NDST4: variants seen among roughly 807,000 people sequenced by gnomAD.
The protein encoded by NDST4 is N-heparan sulfate sulfotransferase 4.
Under a neutral mutation model 100.8 loss-of-function variants are expected in NDST4, and 63 were observed. That is an observed-to-expected ratio of 0.62 (90% CI 0.51 to 0.77). The LOEUF is 0.77. NDST4 is among the 30% of genes least tolerant of loss of function. NDST4 has a pLI of 0.00. For missense variants in NDST4, 943 were observed against 1,018.4 expected (o/e 0.93, Z 1.01); for synonymous variants, 377 against 361.8 (o/e 1.04, Z -0.48).
intron 1 of NDST4, among the ~76,000 whole-genome samples, chr4:115,079,425 T>G (rs1234725872): frequency 6.6e-6 from 1 of 152,068 alleles, no homozygotes; most frequent in Non-Finnish European, 1.5e-5. Context: ...TTTCCATTAT[T>G]ATTAGATGTT....
intron 2 of NDST4, among the ~76,000 whole-genome samples, chr4:115,048,566 G>A (rs207464985): frequency 1.3e-5 from 2 of 152,148 alleles, no homozygotes; most frequent in East Asian, 1.9e-4. Flanking sequence ...GATTACACGC[G>A]TGAGCCACCG....
chr4:115,050,088 A>G (rs76168052), intron 2 of NDST4, among the ~76,000 whole-genome samples: 1 of 152,202 alleles, frequency 6.6e-6, no homozygotes, highest in African/African-American at 2.4e-5. Flanking sequence ...TCTTGCTTTC[A>G]TGTTATATAT....
intron 2 of NDST4, among the ~76,000 whole-genome samples, chr4:115,035,658 T>A (rs1728216992): frequency 1.3e-5 from 2 of 152,076 alleles, no homozygotes; most frequent in Non-Finnish European, 2.9e-5. Flanking sequence ...GAGAACATAA[T>A]GCAATCTGTA....
intron 11 of NDST4, among the ~76,000 whole-genome samples, chr4:114,834,513 CAAAAAAAAAAAA>C (rs869097688): frequency 6.3e-5 from 4 of 63,838 alleles, no homozygotes; most frequent in Non-Finnish European, 1.5e-4. Flanking sequence ...GACTCCATCT[CAAAAAAAAAAAA>C]AAAAAAAAAA....
intron 6 of NDST4, among the ~76,000 whole-genome samples, chr4:114,932,799 A>T (rs559503461): frequency 3.9e-5 from 6 of 152,156 alleles, no homozygotes; most frequent in African/African-American, 1.4e-4. Flanking sequence ...TATACCAAAA[A>T]CTATAAAATA....
chr4:115,103,490 T>C (rs900136604), intron 1 of NDST4, among the ~76,000 whole-genome samples: 3 of 152,132 alleles, frequency 2.0e-5, no homozygotes, highest in Admixed American at 6.6e-5. Context: ...CTTACTCAAA[T>C]AGGAAATACT....
At chr4:115,069,743 T>G (rs939896394) in intron 2 of NDST4, among the ~76,000 whole-genome samples, 1 of 151,918 alleles carries the variant, frequency 6.6e-6, no homozygotes, top group African/African-American at 2.4e-5. Flanking sequence ...TAAAGCTGGG[T>G]GTGGTGGCAC....
chr4:115,056,099 TC>T (rs1382656456), intron 2 of NDST4, among the ~76,000 whole-genome samples: 1 of 152,112 alleles, frequency 6.6e-6, no homozygotes, highest in Non-Finnish European at 1.5e-5. Context: ...CACCTGTAAT[TC>T]CAGCACTTCG....
At chr4:114,984,109 A>G (rs77779170) in intron 2 of NDST4, among the ~76,000 whole-genome samples, 4,067 of 152,008 alleles carry the variant, frequency 0.027, 121 homozygotes, top group African/African-American at 0.067. Flanking sequence ...TGAGTCTTGG[A>G]TATGTCTTTA....
At chr4:115,109,087 TAAG>T (rs1480963149) in intron 1 of NDST4, among the ~76,000 whole-genome samples, 5 of 132,224 alleles carry the variant, frequency 3.8e-5, no homozygotes, top group African/African-American at 5.6e-5. Context: ...AGTGGTAAAA[TAAG>T]AAGAGAAGAG....
chr4:115,105,839 T>C (rs1560602061), intron 1 of NDST4, among the ~76,000 whole-genome samples: 1 of 152,114 alleles, frequency 6.6e-6, no homozygotes, highest in East Asian at 1.9e-4. Context: ...CAAATTCCTT[T>C]TGCATAAAAA....
intron 3 of NDST4, among the ~76,000 whole-genome samples, chr4:114,974,258 C>G (rs1726581743): frequency 6.6e-6 from 1 of 151,296 alleles, no homozygotes; most frequent in Non-Finnish European, 1.5e-5. Flanking sequence ...TTAACTAATT[C>G]TCCACACAGA....
chr4:115,022,691 A>G (rs1156813193), intron 2 of NDST4, among the ~76,000 whole-genome samples: 2 of 152,094 alleles, frequency 1.3e-5, no homozygotes, highest in African/African-American at 4.8e-5. Flanking sequence ...TATCTCCCAC[A>G]GTTCCCACAT....
intron 4 of NDST4, among the ~76,000 whole-genome samples, chr4:114,941,840 C>A (rs377391221): frequency 6.6e-6 from 1 of 152,146 alleles, no homozygotes; most frequent in East Asian, 1.9e-4. Flanking sequence ...TAAATAAAGT[C>A]TTCTTGTTTA....
chr4:115,058,889 C>T (rs1728756607), intron 2 of NDST4, among the ~76,000 whole-genome samples: 1 of 151,706 alleles, frequency 6.6e-6, no homozygotes, highest in East Asian at 1.9e-4. Flanking sequence ...GGTAGTAAAA[C>T]TAATTGTGCT....
chr4:115,092,439 T>A (rs1729538144), intron 1 of NDST4, among the ~76,000 whole-genome samples: 1 of 150,020 alleles, frequency 6.7e-6, no homozygotes, highest in African/African-American at 2.4e-5. Flanking sequence ...TTCAAGTTGC[T>A]GGATATAAGT....
At chr4:115,088,168 C>CA (rs974984396) in intron 1 of NDST4, among the ~76,000 whole-genome samples, 23 of 151,412 alleles carry the variant, frequency 1.5e-4, no homozygotes, top group Non-Finnish European at 2.2e-4. Context: ...TTCTACTTTA[C>CA]AAAAAAAACA....
At chr4:115,085,782 CCA>C (rs1027941473) in intron 1 of NDST4, among the ~76,000 whole-genome samples, 2 of 152,106 alleles carry the variant, frequency 1.3e-5, no homozygotes, top group Admixed American at 1.3e-4. Context: ...GGGTATTTCT[CCA>C]CAGAGTGTGA....
At position 115,076,088 on chromosome 4, in the gene NDST4, CCT is replaced by C. The variant is rs1318561381; in HGVS notation, c.947_948del (p.Glu316GlyfsTer42). 1 of 1,612,048 alleles carries C rather than the reference CCT, an allele frequency of 6.2e-7. No homozygotes were observed. Among genetic ancestry groups the C allele is most frequent in the South Asian group, 1.1e-5 (1 of 90,758 alleles). On this transcript the variant is annotated frameshift_variant, in exon 2 of 14. Coordinates refer to ENST00000264363, the MANE Select transcript of NDST4 (RefSeq NM_022569.3). LOFTEE classifies it high-confidence loss of function. ...VDIDDIFVGK[E>X]GTRMNVKDVK... ...ACATCTTTGACATTCATCCTTGTTCCCTCTTTCCCAACAAATATATCATCAAT... is the reference window on the plus strand; with the variant it reads ...ACATCTTTGACATTCATCCTTGTTCCCTTTCCCAACAAATATATCATCAAT...
Sources: gnomAD v4.1 joint callset for allele counts (sites outside exome capture counted in the v4.1 genomes callset) on GRCh38, gnomAD v4.1.1 for gene constraint, MANE v1.5 for transcripts, NCBI Gene and HGNC (gene_info 2026-07-23, HGNC 2026-07-21) for gene names.